Variants in UPP2 observed in about 807,000 individuals in gnomAD.
The protein encoded by UPP2 is uridine phosphorylase 2.
UPP2 carries 23 observed loss-of-function variants against 26.7 expected under a neutral mutation model. The ratio of observed to expected loss-of-function variants is 0.86; its 90% CI spans 0.62 to 1.22. The LOEUF (loss-of-function observed/expected upper bound fraction) is 1.22, where lower values mean the gene tolerates loss of function less well. UPP2 is among the 50% of genes most tolerant of loss of function. UPP2 has a pLI of 0.00. For synonymous variants in UPP2, 127 were observed against 141.3 expected (o/e 0.90, Z 0.72); for missense variants, 387 against 396.7 (o/e 0.98, Z 0.21).
chr2:158,029,031 A>G (rs1321628804), intron 3 of UPP2, among the ~76,000 whole-genome samples: 1 of 152,248 alleles, frequency 6.6e-6, no homozygotes, highest in African/African-American at 2.4e-5. Flanking sequence ...CTTTGCAGCC[A>G]GTCTATCTGT....
intron 3 of UPP2, among the ~76,000 whole-genome samples, chr2:158,048,909 G>C (rs1024913163): frequency 6.6e-6 from 1 of 152,180 alleles, no homozygotes; most frequent in East Asian, 1.9e-4. Context: ...CCTTCTGCCT[G>C]CAAAGCAGAG....
intron 3 of UPP2, among the ~76,000 whole-genome samples, chr2:158,018,467 C>T (rs1163128267): frequency 6.6e-6 from 1 of 152,224 alleles, no homozygotes; most frequent in Non-Finnish European, 1.5e-5. Flanking sequence ...TCTCCTCCTC[C>T]CTTTTCTCTC....
At chr2:158,071,142 G>T (rs1682533183) in intron 3 of UPP2, among the ~76,000 whole-genome samples, 1 of 152,180 alleles carries the variant, frequency 6.6e-6, no homozygotes, top group Non-Finnish European at 1.5e-5. Flanking sequence ...CTAATGCTGG[G>T]CTAGGATTAG....
chr2:158,130,392 A>C (rs1683789997), intron 6 of UPP2, among the ~76,000 whole-genome samples: 2 of 148,708 alleles, frequency 1.3e-5, no homozygotes, highest in South Asian at 4.6e-4. Flanking sequence ...CAGAGCTTGC[A>C]GTGAGCTGAG....
At chr2:158,055,663 T>C (rs1017176493) in intron 3 of UPP2, among the ~76,000 whole-genome samples, 1 of 152,186 alleles carries the variant, frequency 6.6e-6, no homozygotes, top group African/African-American at 2.4e-5. Context: ...TTTAACAGGC[T>C]GTGCAACTAT....
Position 158,135,847 on chromosome 2 carries a change from G to A in UPP2, c.*957G>A, listed in dbSNP as rs1200205106. Reference sequence around the variant, plus strand: ...GGTTCTTCTCAATTTGACATACTTGGGAGTCGGAATGACTGGATGGGGGAT... The same window carrying A: ...GGTTCTTCTCAATTTGACATACTTGAGAGTCGGAATGACTGGATGGGGGAT... On this transcript the variant is annotated 3_prime_UTR_variant, in exon 7 of 7. Transcript: ENST00000005756. The A allele has an allele frequency of 6.6e-6, 1 of 152,356 alleles. No homozygotes were observed. The highest frequency in any genetic ancestry group is 1.9e-4 in the East Asian group (1 of 5,196). 9.4% of individuals were successfully genotyped at this position (152,356 alleles called of 1,614,324 possible).
chr2:158,074,160 G>A (rs1481418170), intron 3 of UPP2, among the ~76,000 whole-genome samples: 1 of 152,184 alleles, frequency 6.6e-6, no homozygotes, highest in African/African-American at 2.4e-5. Context: ...CAAGGTGACA[G>A]AGTGAGACCC....
chr2:158,106,264 A>C, intron 2 of UPP2, 48 bp downstream of exon 2: 1 of 1,550,762 alleles, frequency 6.4e-7, no homozygotes, highest in Non-Finnish European at 8.8e-7. Context: ...TTTCTCTACT[A>C]ATTTTTCTTC....
chr2:158,114,322 T>C (rs58214797), intron 2 of UPP2, among the ~76,000 whole-genome samples: 6,726 of 152,218 alleles, frequency 0.044, 474 homozygotes, highest in African/African-American at 0.15. Context: ...TCTCTGCTCC[T>C]CTCCCTGGCG....
chr2:158,103,836 TA>T (rs1683125421), intron 1 of UPP2, among the ~76,000 whole-genome samples: 1 of 152,182 alleles, frequency 6.6e-6, no homozygotes, highest in Non-Finnish European at 1.5e-5. Context: ...ACACACTGTA[TA>T]ACAAGGGACT....
At chr2:158,000,481 T>G (rs1370837607) in intron 2 of UPP2, among the ~76,000 whole-genome samples, 1 of 152,260 alleles carries the variant, frequency 6.6e-6, no homozygotes, top group African/African-American at 2.4e-5. Context: ...TCATCTCTTT[T>G]GTGCTCACTG....
chr2:158,037,787 T>C (rs1684026850), intron 3 of UPP2, among the ~76,000 whole-genome samples: 1 of 148,912 alleles, frequency 6.7e-6, no homozygotes. Flanking sequence ...GCAACGACCC[T>C]ATTTCCAAAT....
intron 2 of UPP2, among the ~76,000 whole-genome samples, chr2:158,001,211 C>A (rs1047603913): frequency 6.6e-6 from 1 of 152,182 alleles, no homozygotes; most frequent in African/African-American, 2.4e-5. Flanking sequence ...CAGCAGGAAA[C>A]AAATGGTCCA....
At chr2:158,092,632 C>T (rs1682928435) in intron 3 of UPP2, among the ~76,000 whole-genome samples, 1 of 152,184 alleles carries the variant, frequency 6.6e-6, no homozygotes, top group South Asian at 2.1e-4. Context: ...TGATCAAAGA[C>T]ATTGGCAGAC....
At chr2:158,018,268 G>C (rs938346287) in intron 3 of UPP2, among the ~76,000 whole-genome samples, 1 of 152,188 alleles carries the variant, frequency 6.6e-6, no homozygotes, top group African/African-American at 2.4e-5. Context: ...TAGTAAGGGT[G>C]CACTTGTTTA....
intron 1 of UPP2, among the ~76,000 whole-genome samples, chr2:158,102,859 G>A (rs1194318532): frequency 6.6e-6 from 1 of 152,098 alleles, no homozygotes; most frequent in Non-Finnish European, 1.5e-5. Context: ...CTTCTTCAGG[G>A]AAGCCCAGGA....
At chr2:158,086,606 A>C (rs1682821986) in intron 3 of UPP2, among the ~76,000 whole-genome samples, 1 of 151,778 alleles carries the variant, frequency 6.6e-6, no homozygotes, top group African/African-American at 2.4e-5. Flanking sequence ...GGTCTTTCAG[A>C]TGTTTTGATG....
chr2:158,046,600 A>G (rs558653182), intron 3 of UPP2, among the ~76,000 whole-genome samples: 23 of 152,354 alleles, frequency 1.5e-4, no homozygotes, highest in East Asian at 1.2e-3. Flanking sequence ...TAGTTTGCCT[A>G]TGGTTAACGT....
chr2:158,015,560 T>A (rs1683644613), intron 2 of UPP2, among the ~76,000 whole-genome samples: 1 of 152,208 alleles, frequency 6.6e-6, no homozygotes, highest in Admixed American at 6.5e-5. Context: ...TGTGCAAATA[T>A]CTCTTTGAGA....
Sources: gnomAD v4.1 joint callset for allele counts (sites outside exome capture counted in the v4.1 genomes callset) on GRCh38, gnomAD v4.1.1 for gene constraint, MANE v1.5 for transcripts, NCBI Gene and HGNC (gene_info 2026-07-23, HGNC 2026-07-21) for gene names.